The following MTERF4 variants were observed in gnomAD, a reference collection of about 807,000 sequenced individuals.
The protein encoded by MTERF4 is mitochondrial transcription termination factor 4, also known as transcription termination factor 4, mitochondrial.
MTERF4 carries 17 observed loss-of-function variants against 22.5 expected under a neutral mutation model. The observed-to-expected ratio is 0.75, with a 90% confidence interval of 0.52 to 1.13. The LOEUF is 1.13. MTERF4 is among the 50% of genes most tolerant of loss of function. The pLI is 0.00. For synonymous variants in MTERF4, 165 were observed against 175.3 expected, an observed-to-expected ratio of 0.94 and a Z score of 0.47; for missense variants, 420 against 466.8, an observed-to-expected ratio of 0.90 and a Z score of 0.92.
At chr2:241,048,528 C>A in the MTERF4 span, 1 of 1,510,326 alleles carries the variant, frequency 6.6e-7, no homozygotes. Flanking sequence ...AGGAAACGCC[C>A]CGAAAAGAAA....
At chr2:241,071,909 G>C (rs747352785), downstream of MTERF4, 1 of 1,552,018 alleles carries the variant, frequency 6.4e-7, no homozygotes, top group Non-Finnish European at 8.8e-7. Flanking sequence ...ACCCACCTTG[G>C]TGGCCCACCC....
the MTERF4 span, among the ~76,000 whole-genome samples, chr2:241,058,420 G>A: frequency 1.3e-5 from 2 of 152,144 alleles, no homozygotes; most frequent in South Asian, 4.1e-4. Context: ...AAAGTAGAAG[G>A]AAAGAGGAAT....
At chr2:241,051,630 C>T in the MTERF4 span, 2 of 830,412 alleles carry the variant, frequency 2.4e-6, no homozygotes, top group East Asian at 2.8e-5. The surrounding 1 kb of genome is among the most constrained non-coding windows in gnomAD (Gnocchi z 4.7). Flanking sequence ...CCCAGGGCTT[C>T]GTCGAGAAGG....
downstream of MTERF4, chr2:241,088,300 G>A (rs1301517776): frequency 8.7e-7 from 1 of 1,155,682 alleles, no homozygotes; most frequent in Admixed American, 1.7e-5. Flanking sequence ...CTGGACTGAG[G>A]TAGCTGTAGA....
the MTERF4 span, chr2:241,052,234 A>T: frequency 6.7e-7 from 1 of 1,481,630 alleles, no homozygotes; most frequent in Non-Finnish European, 9.4e-7. Context: ...GCCCATGGGC[A>T]GGGCTGGTCC....
At chr2:241,047,166 AAAAGTAAAT>A in the MTERF4 span, among the ~76,000 whole-genome samples, 1 of 90,698 alleles carries the variant, frequency 1.1e-5, no homozygotes, top group Non-Finnish European at 1.9e-5. Flanking sequence ...AAAAAAAAAA[AAAAGTAAAT>A]TAGGTAAACT....
the MTERF4 span, chr2:241,063,829 C>A: frequency 1.2e-6 from 1 of 802,104 alleles, no homozygotes; most frequent in Non-Finnish European, 2.0e-6. Flanking sequence ...GGGCTGCGGC[C>A]ACCTTGGGAG....
chr2:241,068,052 CA>C (rs375232578), downstream of MTERF4: 57 of 925,238 alleles, frequency 6.2e-5, 1 homozygote, highest in African/African-American at 4.3e-4. The surrounding 1 kb of genome is among the most constrained non-coding windows in gnomAD (Gnocchi z 5.3). Flanking sequence ...TGGACTGTAC[CA>C]CCTGCCGCTC....
At chr2:241,078,312 G>A (rs943574010) in intron 4 of MTERF4, among the ~76,000 whole-genome samples, 2 of 150,888 alleles carry the variant, frequency 1.3e-5, no homozygotes, top group Non-Finnish European at 2.9e-5. Context: ...GAACCCGGGA[G>A]GTGGAGTTTG....
At chr2:241,051,713 C>G in the MTERF4 span, 2 of 1,440,898 alleles carry the variant, frequency 1.4e-6, no homozygotes, top group African/African-American at 2.9e-5. The surrounding 1 kb of genome is among the most constrained non-coding windows in gnomAD (Gnocchi z 4.7). Context: ...AGCCTGGCCC[C>G]GTTCATCTGC....
the MTERF4 span, chr2:241,064,829 T>A: frequency 2.6e-6 from 4 of 1,565,402 alleles, no homozygotes; most frequent in Admixed American, 2.0e-5. The surrounding 1 kb of genome is among the most constrained non-coding windows in gnomAD (Gnocchi z 7.0). Context: ...ACACTGCCAC[T>A]TTTTCTCCCC....
At chr2:241,098,718 C>A (rs1037839088) in intron 2 of MTERF4, among the ~76,000 whole-genome samples, 9 of 152,228 alleles carry the variant, frequency 5.9e-5, no homozygotes, top group African/African-American at 2.2e-4. Context: ...AGCACTAAGA[C>A]CATTTCATGT....
chr2:241,054,226 T>C, the MTERF4 span, among the ~76,000 whole-genome samples: 5 of 152,148 alleles, frequency 3.3e-5, no homozygotes, highest in Non-Finnish European at 7.4e-5. Flanking sequence ...GAGAAGCCGA[T>C]ATCCTCAGAG....
At chr2:241,062,987 CTCTG>C in the MTERF4 span, 32 of 881,906 alleles carry the variant, frequency 3.6e-5, no homozygotes, top group East Asian at 5.1e-4. Context: ...CCGGACAGGT[CTCTG>C]TCTGGATGGC....
intron 1 of MTERF4, chr2:241,101,317 T>C (rs2064697392): frequency 8.6e-6 from 3 of 348,510 alleles, no homozygotes; most frequent in South Asian, 2.2e-5. Context: ...ACAATAGGGT[T>C]CGCGCTCCAG....
chr2:241,084,618 C>G (rs2063494911), downstream of MTERF4, among the ~76,000 whole-genome samples: 2 of 152,202 alleles, frequency 1.3e-5, no homozygotes, highest in Non-Finnish European at 2.9e-5. Flanking sequence ...ATGCTGTGAA[C>G]TGCACTATAC....
At chr2:241,081,929 G>A in intron 4 of MTERF4, 1 of 688,794 alleles carries the variant, frequency 1.5e-6, no homozygotes, top group South Asian at 1.7e-5. Context: ...GGTGCACGGG[G>A]CTGACCCCTG....
chr2:241,056,580 A>ATTTTTTTTTTTTTTTTTTT, the MTERF4 span, among the ~76,000 whole-genome samples: 2 of 111,224 alleles, frequency 1.8e-5, no homozygotes, highest in African/African-American at 3.9e-5. Flanking sequence ...AATAAGTGAA[A>ATTTTTTTTTTTTTTTTTTT]TTTTTTTTTT....
downstream of MTERF4, chr2:241,068,941 C>A (rs1247126737): frequency 3.2e-6 from 5 of 1,555,126 alleles, no homozygotes; most frequent in Non-Finnish European, 2.6e-6. This position sits in a 1 kb window ranked among gnomAD's most constrained non-coding sequence, Gnocchi z 5.3. Context: ...GGTACACCAT[C>A]CAGCTGACCA....
Sources: allele counts gnomAD v4.1 joint callset (sites outside exome capture counted in the v4.1 genomes callset), GRCh38; gene constraint gnomAD v4.1.1; non-coding constraint Gnocchi (gnomAD v3.1); transcripts MANE v1.5; gene names NCBI Gene and HGNC (gene_info 2026-07-23, HGNC 2026-07-21).